PLA2G5: variants seen among roughly 807,000 people sequenced by gnomAD.
PLA2G5 encodes phospholipase A2 group V.
PLA2G5 carries 12 observed loss-of-function variants against 15.9 expected under a neutral mutation model. That is an observed-to-expected ratio of 0.76 (90% CI 0.48 to 1.23). The LOEUF (loss-of-function observed/expected upper bound fraction) is 1.23. Among genes scored for constraint, PLA2G5 ranks in the 50% most tolerant of loss-of-function variants. The pLI, the probability that PLA2G5 is intolerant of heterozygous loss-of-function variation, is 0.00. For synonymous variants in PLA2G5, 71 were observed against 71.4 expected (o/e 0.99, Z 0.03); for missense variants, 169 against 177.1 (o/e 0.95, Z 0.26).
intron 3 of PLA2G5, among the ~76,000 whole-genome samples, chr1:20,088,486 A>G (rs760600207): frequency 2.6e-5 from 4 of 151,378 alleles, no homozygotes; most frequent in Admixed American, 2.0e-4. Flanking sequence ...TTTTTTTACA[A>G]TTAGTGAGAT....
rs34853506 is a variant in PLA2G5 at position 20,052,173 on chromosome 1, CAAAAA to C, written n.277-7441_277-7437del. On this transcript the variant is annotated intron_variant and non_coding_transcript_variant, in intron 1 of 6. Transcript: ENST00000460175. ...TGGGCGACAGAGCGAGACTCCATCT[CAAAAA>C]AAAAAAAAAAAAAAAAATGGGAAAC... 4.5e-4 allele frequency among the ~76,000 whole-genome samples: 46 copies of C among 102,478 alleles called. 1 individual carries two copies. Among genetic ancestry groups the C allele is most frequent in the Middle Eastern group, 4.7e-3 (1 of 212 alleles). 67.2% of individuals were successfully genotyped at this position (102,478 alleles called of 152,430 possible). A position where few individuals can be genotyped will look rare whatever the true frequency, so the allele number is the denominator to read the frequency against.
exon 1 of PLA2G5, chr1:20,028,645 T>C (rs2012686929): frequency 6.6e-6 from 1 of 152,198 alleles, no homozygotes; most frequent in Non-Finnish European, 1.5e-5. Flanking sequence ...ACGGTATCAA[T>C]GTGTTTCTGG....
At chr1:20,064,273 AT>A (rs2014897975) in intron 2 of PLA2G5, among the ~76,000 whole-genome samples, 1 of 152,328 alleles carries the variant, frequency 6.6e-6, no homozygotes, top group South Asian at 2.1e-4. Context: ...CTTCTTCCTT[AT>A]TTAGAAAACA....
intron 1 of PLA2G5, among the ~76,000 whole-genome samples, chr1:20,034,305 G>A (rs1230992665): frequency 2.0e-5 from 3 of 152,188 alleles, no homozygotes; most frequent in African/African-American, 7.2e-5. Context: ...GGATGTGTGA[G>A]TATCAGGATC....
intron 1 of PLA2G5, among the ~76,000 whole-genome samples, chr1:20,072,733 C>T (rs1020111272): frequency 1.3e-5 from 2 of 152,104 alleles, no homozygotes; most frequent in African/African-American, 2.4e-5. Flanking sequence ...AAGGAGGAAG[C>T]CATGAACTCT....
In PLA2G5 at chr1:20,039,023, G is replaced by C. The variant is rs367663724; in HGVS notation, n.276+10314G>C. On this transcript the variant is annotated intron_variant and non_coding_transcript_variant, in intron 1 of 6. Coordinates refer to the PLA2G5 transcript ENST00000460175. ...GTTCCAGGTGTAGGTGCTTGGAGAG[G>C]CTGTGGGACTGGGTTCCTAAGCTCA... Among the ~76,000 whole-genome samples, 11 of 152,280 alleles carry C rather than the reference G, an allele frequency of 7.2e-5. No individual in the cohort carries two copies. The East Asian group carries it at 1.7e-3, about 24-fold the overall frequency.
chr1:20,067,667 G>A (rs530719115), upstream of PLA2G5, among the ~76,000 whole-genome samples: 102 of 151,136 alleles, frequency 6.7e-4, 1 homozygote, highest in Non-Finnish European at 1.1e-3. Context: ...CAGCCTGGGC[G>A]ACAGAGTGAG....
At chr1:20,043,291 C>T (rs984657617) in intron 1 of PLA2G5, among the ~76,000 whole-genome samples, 1 of 152,178 alleles carries the variant, frequency 6.6e-6, no homozygotes, top group Non-Finnish European at 1.5e-5. Flanking sequence ...CCTGAACTTA[C>T]CCGTAGGACT....
At chr1:20,061,380 T>A (rs1042571268) in intron 2 of PLA2G5, among the ~76,000 whole-genome samples, 1 of 151,542 alleles carries the variant, frequency 6.6e-6, no homozygotes, top group Non-Finnish European at 1.5e-5. Context: ...AGCTCAGGAG[T>A]TCGAGATCAG....
intron 1 of PLA2G5, among the ~76,000 whole-genome samples, chr1:20,030,249 A>G (rs1270679675): frequency 6.6e-6 from 1 of 151,976 alleles, no homozygotes; most frequent in Non-Finnish European, 1.5e-5. Context: ...ATGTGGCAGG[A>G]CTATAGGGTA....
intron 1 of PLA2G5, among the ~76,000 whole-genome samples, chr1:20,040,907 A>T (rs1569644770): frequency 6.6e-6 from 1 of 152,004 alleles, no homozygotes; most frequent in Non-Finnish European, 1.5e-5. Context: ...GAAGCCCCCT[A>T]CCCGCTTCAA....
At chr1:20,032,435 GT>G (rs1348971943) in intron 1 of PLA2G5, among the ~76,000 whole-genome samples, 1 of 151,314 alleles carries the variant, frequency 6.6e-6, no homozygotes, top group East Asian at 2.0e-4. Context: ...TACTGGATTT[GT>G]TTTACAGGGG....
intron 1 of PLA2G5, among the ~76,000 whole-genome samples, chr1:20,033,808 G>C (rs1039533684): frequency 6.6e-6 from 1 of 151,940 alleles, no homozygotes; most frequent in African/African-American, 2.4e-5. Flanking sequence ...GTAGTTGATG[G>C]GGCAAGCTGA....
chr1:20,088,098 C>A (rs986686686), intron 3 of PLA2G5, among the ~76,000 whole-genome samples: 2 of 151,198 alleles, frequency 1.3e-5, no homozygotes, highest in Non-Finnish European at 2.9e-5. Context: ...TGGCTCACGC[C>A]TGTAATCCCA....
intron 1 of PLA2G5, among the ~76,000 whole-genome samples, chr1:20,080,104 G>T (rs2015924409): frequency 1.3e-5 from 2 of 152,026 alleles, no homozygotes; most frequent in African/African-American, 4.8e-5. Flanking sequence ...AGCAAAACAG[G>T]ATAAAATCTG....
At chr1:20,053,486 T>C (rs1363898826) in intron 1 of PLA2G5, among the ~76,000 whole-genome samples, 1 of 151,340 alleles carries the variant, frequency 6.6e-6, no homozygotes. Context: ...AAATTTATTT[T>C]TCATATAGTT....
Position 20,090,761 on chromosome 1 carries a change from C to G in PLA2G5, c.*69C>G. On this transcript the variant is annotated 3_prime_UTR_variant, in exon 5 of 5. Transcript: ENST00000375108. Reference sequence around the variant, plus strand: ...TTTTCTACAACACAGAGTACTGACTCTGCCTGGTTCCTGAGAGAGGCTCCT... The same window carrying G: ...TTTTCTACAACACAGAGTACTGACTGTGCCTGGTTCCTGAGAGAGGCTCCT... 6.5e-7 allele frequency: 1 copy of G among 1,540,328 alleles called. No homozygotes were observed. The highest frequency in any genetic ancestry group is 1.7e-5 in the Admixed American group (1 of 59,270).
intron 1 of PLA2G5, among the ~76,000 whole-genome samples, chr1:20,036,148 C>A (rs1167227173): frequency 6.6e-6 from 1 of 152,152 alleles, no homozygotes; most frequent in Non-Finnish European, 1.5e-5. Flanking sequence ...TTACCTGATA[C>A]CTTTGCTTCA....
At chr1:20,053,724 A>G (rs191296839) in intron 1 of PLA2G5, among the ~76,000 whole-genome samples, 68 of 152,040 alleles carry the variant, frequency 4.5e-4, no homozygotes, top group African/African-American at 1.6e-3. Context: ...CCTCCTGCAG[A>G]TTTAGTTATC....
Sources: gnomAD v4.1 joint callset for allele counts (sites outside exome capture counted in the v4.1 genomes callset) on GRCh38, gnomAD v4.1.1 for gene constraint, MANE v1.5 for transcripts, NCBI Gene and HGNC (gene_info 2026-07-23, HGNC 2026-07-21) for gene names.